BSX: variants seen among roughly 807,000 people sequenced by gnomAD.
BSX encodes the protein brain specific homeobox, also known as brain-specific homeobox protein homolog.
A neutral mutation model predicts 16.9 loss-of-function variants in BSX; 12 were observed. The ratio of observed to expected loss-of-function variants is 0.71; its 90% CI spans 0.46 to 1.15. The LOEUF (loss-of-function observed/expected upper bound fraction) is 1.15. BSX is among the 50% of genes most tolerant of loss of function. The probability of loss-of-function intolerance (pLI) is 0.00; values close to 1 mark genes in which losing one functional copy is unlikely to be tolerated. For missense variants in BSX, 292 were observed against 311.8 expected, an observed-to-expected ratio of 0.94 and a Z score of 0.48; for synonymous variants, 160 against 136.4, an observed-to-expected ratio of 1.17 and a Z score of -1.20.
Position 122,977,662 on chromosome 11 carries a change from G to C in BSX, c.689C>G (p.Pro230Arg). Residue 230 changes from proline to arginine, a missense_variant, in exon 3 of 3, where the codon CCG becomes CGG. Pro to Arg is a moderately radical substitution (Grantham distance 103). Around this residue, in one of 3 missense-constraint regions of BSX, gnomAD observed 107 missense variants for 97.1 expected, o/e 1.10. Transcript: ENST00000343035. This position sits in a 1 kb window ranked among gnomAD's most constrained non-coding sequence, Gnocchi z 4.5. ...CAGCCTGGCGGCTCAGAGCACGTGC[G>C]GCCCTGAGCCCAGCTCCCCCTCGTC... ...IGDEGELGSG[P>R]HVL 6.2e-7 allele frequency: 1 copy of C among 1,609,280 alleles called. No homozygotes were observed. The highest frequency in any genetic ancestry group is 1.1e-5 in the South Asian group (1 of 91,016).
rs757240710 is a variant in BSX, at chr11:122,979,429, G to A, written c.291C>T (p.His97=). The change falls in exon 2 of 3, where the codon CAC becomes CAT. Residue 97 remains histidine, a synonymous_variant. Transcript: ENST00000343035. ...TCCCCGGCAGCTCCGCGTGCTGCGG[G>A]TGCGGGAACAGCGCTGGGACTGGCA... The part of the protein sequence containing the change: ...SGMPVPALFP[H]PQHAELPGKH... 70 of 1,613,130 alleles carry A rather than the reference G, an allele frequency of 4.3e-5. No homozygotes were observed. In the Admixed American group the frequency reaches 8.0e-4, roughly 18 times the overall value.
chr11:122,978,592 A>G (rs1864526104), intron 2 of BSX, among the ~76,000 whole-genome samples: 1 of 151,886 alleles, frequency 6.6e-6, no homozygotes, highest in African/African-American at 2.4e-5. Context: ...CTGAACTCTT[A>G]CCATTTACCT....
intron 1 of BSX, among the ~76,000 whole-genome samples, chr11:122,980,822 T>A (rs1348261093): frequency 6.6e-6 from 1 of 152,110 alleles, no homozygotes; most frequent in East Asian, 1.9e-4. Flanking sequence ...ATGTTGAGGA[T>A]GCGGAGGGTT....
rs199711565 is a variant in BSX at position 122,977,657 on chromosome 11, C to T, written c.694G>A (p.Val232Met). 4 of 1,608,784 alleles carry T rather than the reference C, an allele frequency of 2.5e-6. No homozygotes were observed. The highest frequency in any genetic ancestry group is 3.4e-6 in the Non-Finnish European group (4 of 1,179,780). The change falls in exon 3 of 3, where the codon GTG (valine) becomes ATG (methionine). Residue 232 changes from valine to methionine, a missense_variant. This residue lies in a region of BSX where 107 missense variants were observed against 97.1 expected (regional missense o/e 1.10). Coordinates refer to ENST00000343035, the MANE Select transcript of BSX (RefSeq NM_001098169.2). This position sits in a 1 kb window ranked among gnomAD's most constrained non-coding sequence, Gnocchi z 4.5. ...DEGELGSGPH[V>M]L ...CTCCCCAGCCTGGCGGCTCAGAGCA[C>T]GTGCGGCCCTGAGCCCAGCTCCCCC...
In BSX at chr11:122,979,430, T is replaced by G; in HGVS notation, c.290A>C (p.His97Pro). The G allele has an allele frequency of 6.2e-7, 1 of 1,612,816 alleles. No homozygotes were observed. The highest frequency in any genetic ancestry group is 1.1e-5 in the South Asian group (1 of 91,002). Residue 97 changes from histidine to proline, a missense_variant, in exon 2 of 3, where the codon CAC (histidine) becomes CCC (proline). Physicochemically the swap from His to Pro is moderately conservative, Grantham distance 77. Coordinates refer to ENST00000343035, the MANE Select transcript of BSX (RefSeq NM_001098169.2). ...CCCCGGCAGCTCCGCGTGCTGCGGG[T>G]GCGGGAACAGCGCTGGGACTGGCAT... ...SGMPVPALFP[H>P]PQHAELPGKH...
intron 1 of BSX, among the ~76,000 whole-genome samples, chr11:122,980,726 A>T (rs1864558924): frequency 6.6e-6 from 1 of 152,186 alleles, no homozygotes; most frequent in South Asian, 2.1e-4. Context: ...CAGAGAAATC[A>T]AAATACTTTA....
intron 1 of BSX, among the ~76,000 whole-genome samples, chr11:122,980,983 T>C (rs1187666547): frequency 6.6e-6 from 1 of 152,152 alleles, no homozygotes; most frequent in Non-Finnish European, 1.5e-5. Context: ...CAGAGTGTTT[T>C]GAGTTTCTGT....
chr11:122,981,360 T>C, intron 1 of BSX, 50 bp downstream of exon 1: 1 of 1,461,458 alleles, frequency 6.8e-7, no homozygotes, highest in South Asian at 1.4e-5. Flanking sequence ...GGGTCTGTGC[T>C]AGAAGCCCTG....
chr11:122,979,499 C>T (rs1440019535), intron 1 of BSX, 42 bp from the exon 2 acceptor site: 1 of 1,554,578 alleles, frequency 6.4e-7, no homozygotes, highest in South Asian at 1.2e-5. Context: ...GCGTGGGTCG[C>T]CGGAGAGCAA....
chr11:122,979,285 C>T lies in BSX; in HGVS notation c.435G>A (p.Thr145=), dbSNP rs750783788. The part of the protein sequence containing the change: ...LSTPERVELA[T]ALSLSETQVK... ...CCTGCGTCTCGGACAGGCTGAGGGC[C>T]GTGGCCAGCTCCACTCGTTCTGGCG... Residue 145 remains threonine, a synonymous_variant, in exon 2 of 3, where the codon ACG becomes ACA. Transcript: ENST00000343035. 9.3e-6 allele frequency: 15 copies of T among 1,613,638 alleles called. No homozygotes were observed. Among genetic ancestry groups the T allele is most frequent in the Middle Eastern group, 1.6e-4 (1 of 6,084 alleles).
Position 122,979,276 on chromosome 11 carries a change from G to A in BSX, c.444C>T (p.Ser148=), listed in dbSNP as rs1864538759. ...PERVELATAL[S]LSETQVKTWF... is the part of the protein sequence containing the mutation. ...TCCCGCCCACCTGCGTCTCGGACAG[G>A]CTGAGGGCCGTGGCCAGCTCCACTC... The change falls in exon 2 of 3, where the codon AGC becomes AGT. Residue 148 remains serine (S), a synonymous_variant. Coordinates refer to ENST00000343035, the MANE Select transcript of BSX (RefSeq NM_001098169.2). 1 of 1,613,380 alleles carries A rather than the reference G, an allele frequency of 6.2e-7. No individual in the cohort carries two copies. The highest frequency in any genetic ancestry group is 8.5e-7 in the Non-Finnish European group (1 of 1,179,634).
Position 122,981,574 on chromosome 11 carries a change from A to AGCG in BSX, c.95_97dup (p.Pro32dup). Reference sequence around the variant, plus strand: ...GAAATGGTCTGGGGCCACCTCTCTCAGCGGCTTGGGCTTGTGCAGCAGGAT... The same window carrying AGCG: ...GAAATGGTCTGGGGCCACCTCTCTCAGCGGCGGCTTGGGCTTGTGCAGCAGGAT... On this transcript the variant is annotated inframe_insertion, in exon 1 of 3. Transcript: ENST00000343035. 1 of 1,600,406 alleles carries AGCG rather than the reference A, an allele frequency of 6.2e-7. No individual in the cohort carries two copies. Among genetic ancestry groups the AGCG allele is most frequent in the South Asian group, 1.1e-5 (1 of 88,218 alleles).
chr11:122,980,104 C>T, intron 1 of BSX, among the ~76,000 whole-genome samples: 1 of 152,148 alleles, frequency 6.6e-6, no homozygotes, highest in Non-Finnish European at 1.5e-5. Context: ...TTCGGGGTCG[C>T]GCTAGGGACC....
chr11:122,980,857 C>G (rs1408390450), intron 1 of BSX, among the ~76,000 whole-genome samples: 5 of 152,260 alleles, frequency 3.3e-5, no homozygotes, highest in Admixed American at 6.5e-5. Flanking sequence ...CCCCCTACCC[C>G]CCTTTTTTCT....
rs1458132670 is a variant in BSX at position 122,981,414 on chromosome 11, G to A, written c.258C>T (p.Thr86=). 1 of 1,529,590 alleles carries A rather than the reference G, an allele frequency of 6.5e-7. No individual in the cohort carries two copies. Among genetic ancestry groups the A allele is most frequent in the Non-Finnish European group, 8.8e-7 (1 of 1,132,000 alleles). The allele number at this position is 1,529,590 out of a possible 1,614,324, so 94.8% of individuals were successfully genotyped here. ...CTTGAGGTTCCTGTTACTTACCCGA[G>A]GTGGTGAGGAAATAAGGATGATGGT... ...GDHHHPYFLT[T]SGMPVPALFP... Residue 86 remains threonine, a synonymous_variant, in exon 1 of 3, where the codon ACC becomes ACT. Transcript: ENST00000343035.
Position 122,981,548 on chromosome 11 carries a change from C to T in BSX, c.124G>A (p.Ala42Thr), listed in dbSNP as rs768056175. The T allele has an allele frequency of 1.3e-6, 2 of 1,599,606 alleles. No individual in the cohort carries two copies. Among genetic ancestry groups the T allele is most frequent in the Non-Finnish European group, 8.5e-7 (1 of 1,173,152 alleles). Residue 42 changes from alanine (A) to threonine (T), a missense_variant, in exon 1 of 3, where the codon GCC becomes ACC. This residue lies in a region of BSX where 176 missense variants were observed against 187.2 expected (regional missense o/e 0.94). Transcript: ENST00000343035. ...PLREVAPDHF[A>T]SSLASRVPLL... ...GGCACCCGAGAGGCCAGAGAGCTGG[C>T]GAAATGGTCTGGGGCCACCTCTCTC...
At chr11:122,978,563 T>C (rs1168001621) in intron 2 of BSX, among the ~76,000 whole-genome samples, 1 of 152,040 alleles carries the variant, frequency 6.6e-6, no homozygotes, top group Non-Finnish European at 1.5e-5. Flanking sequence ...TGTGGGCTTC[T>C]CTCAGGACAA....
rs750290566 is a variant in BSX at position 122,979,435 on chromosome 11, G to A, written c.285C>T (p.Phe95=). 6.2e-7 allele frequency: 1 copy of A among 1,612,872 alleles called. No homozygotes were observed. Among genetic ancestry groups the A allele is most frequent in the East Asian group, 2.2e-5 (1 of 44,852 alleles). Residue 95 remains phenylalanine, a synonymous_variant, in exon 2 of 3, where the codon TTC becomes TTT. Transcript: ENST00000343035. ...GCAGCTCCGCGTGCTGCGGGTGCGG[G>A]AACAGCGCTGGGACTGGCATCCCTG... ...TTSGMPVPAL[F]PHPQHAELPG...
chr11:122,978,532 AAG>A (rs1302625630), intron 2 of BSX, among the ~76,000 whole-genome samples: 6 of 151,916 alleles, frequency 3.9e-5, no homozygotes, highest in Non-Finnish European at 7.4e-5. Flanking sequence ...TGAAGTGAGA[AAG>A]GGGGAAAAAA....
Sources: allele counts gnomAD v4.1 joint callset (sites outside exome capture counted in the v4.1 genomes callset), GRCh38; gene constraint gnomAD v4.1.1; regional missense constraint gnomAD v4.1.1; non-coding constraint Gnocchi (gnomAD v3.1); transcripts MANE v1.5; gene names NCBI Gene and HGNC (gene_info 2026-07-23, HGNC 2026-07-21).